CPXM2: variants seen among roughly 807,000 people sequenced by gnomAD.
The protein encoded by CPXM2 is carboxypeptidase X, M14 family member 2.
CPXM2 carries 66 observed loss-of-function variants against 86.1 expected under a neutral mutation model. That is an observed-to-expected ratio of 0.77 (90% CI 0.63 to 0.94). The LOEUF is 0.94. CPXM2 is among the 40% of genes least tolerant of loss of function. The probability of loss-of-function intolerance (pLI) is 0.00; values close to 1 mark genes in which losing one functional copy is unlikely to be tolerated. For synonymous variants in CPXM2, 388 were observed against 400.2 expected (o/e 0.97, Z 0.36); for missense variants, 948 against 1,026.3 (o/e 0.92, Z 1.04).
chr10:123,905,968 G>A (rs1945435363), intron 2 of CPXM2, among the ~76,000 whole-genome samples: 1 of 152,136 alleles, frequency 6.6e-6, no homozygotes, highest in Non-Finnish European at 1.5e-5. Context: ...AACAGGCCAA[G>A]CCCCACCTCC....
At chr10:123,900,864 A>G (rs1305928321) in intron 2 of CPXM2, among the ~76,000 whole-genome samples, 1 of 152,224 alleles carries the variant, frequency 6.6e-6, no homozygotes, top group Non-Finnish European at 1.5e-5. Context: ...AAAAAGTAAG[A>G]CTTGGCAAAA....
intron 4 of CPXM2, among the ~76,000 whole-genome samples, chr10:123,801,601 A>G (rs1210699518): frequency 6.6e-6 from 1 of 152,100 alleles, no homozygotes; most frequent in Non-Finnish European, 1.5e-5. Flanking sequence ...TCTTGCAGGC[A>G]AGAGCTTACT....
chr10:123,868,557 C>T (rs561919742), intron 2 of CPXM2, among the ~76,000 whole-genome samples: 1 of 152,260 alleles, frequency 6.6e-6, no homozygotes, highest in African/African-American at 2.4e-5. Context: ...TTTGCAGCAG[C>T]AACCTGTGCA....
At chr10:123,852,532 T>C (rs1848624437) in intron 3 of CPXM2, among the ~76,000 whole-genome samples, 1 of 152,212 alleles carries the variant, frequency 6.6e-6, no homozygotes, top group Admixed American at 6.5e-5. Context: ...ACACAGTGAC[T>C]AGGTTGATCC....
Position 123,755,000 on chromosome 10 carries a change from C to A in CPXM2, c.1918-238G>T, listed in dbSNP as rs1846171803. 6.6e-6 allele frequency among the ~76,000 whole-genome samples: 1 copy of A among 152,234 alleles called. No individual in the cohort carries two copies. Among genetic ancestry groups the A allele is most frequent in the Non-Finnish European group, 1.5e-5 (1 of 68,056 alleles). On this transcript the variant is annotated intron_variant, in intron 12 of 13. Coordinates refer to ENST00000241305, the MANE Select transcript of CPXM2 (RefSeq NM_198148.3). The surrounding 1 kb of genome is among the most constrained non-coding windows in gnomAD (Gnocchi z 4.0). The stretch of plus-strand genomic sequence containing the variant: ...AAAGTGAACTTATTTCTGAAGCTAG[C>A]ATTAGGGAAGCATCCTGCTTTAAAA...
intron 6 of CPXM2, among the ~76,000 whole-genome samples, chr10:123,786,393 G>C (rs1316689981): frequency 6.6e-6 from 1 of 152,156 alleles, no homozygotes; most frequent in Non-Finnish European, 1.5e-5. Flanking sequence ...GAGAGACAGA[G>C]GCCCTGCTTC....
intron 2 of CPXM2, among the ~76,000 whole-genome samples, chr10:123,905,867 C>A (rs926311115): frequency 4.6e-5 from 7 of 152,156 alleles, no homozygotes; most frequent in African/African-American, 1.7e-4. Context: ...GCCATCTCCC[C>A]CTCAGGAGAC....
Position 123,772,377 on chromosome 10 carries a change from C to T in CPXM2, c.979-1338G>A, listed in dbSNP as rs143806023. On this transcript the variant is annotated intron_variant, in intron 7 of 13. Coordinates refer to ENST00000241305, the MANE Select transcript of CPXM2 (RefSeq NM_198148.3). ...ACCTCCCTGGGTGTGGTTATCACCT[C>T]CCTGGTTGTGATCATCACCTGCCTT... Among the ~76,000 whole-genome samples, 197 of 152,198 alleles carry T rather than the reference C, an allele frequency of 1.3e-3. 3 individuals carry two copies. The highest frequency in any genetic ancestry group is 4.5e-3 in the African/African-American group (185 of 41,506).
At chr10:123,752,964 G>A (rs368162468) in intron 13 of CPXM2, among the ~76,000 whole-genome samples, 1 of 152,282 alleles carries the variant, frequency 6.6e-6, no homozygotes, top group East Asian at 1.9e-4. Context: ...CTTACGTGGT[G>A]TGTTAGAAGG....
chr10:123,759,719 C>T (rs187252846), intron 11 of CPXM2, among the ~76,000 whole-genome samples: 1 of 152,338 alleles, frequency 6.6e-6, no homozygotes, highest in East Asian at 1.9e-4. Flanking sequence ...GCAGGGAAGG[C>T]ACAGCCGCAT....
chr10:123,753,317 T>C (rs893027372), intron 13 of CPXM2, among the ~76,000 whole-genome samples: 1 of 152,180 alleles, frequency 6.6e-6, no homozygotes, highest in Non-Finnish European at 1.5e-5. Flanking sequence ...ATGACAGCCC[T>C]GTGGCACAAA....
intron 4 of CPXM2, among the ~76,000 whole-genome samples, chr10:123,820,696 C>G (rs1006762152): frequency 6.6e-6 from 1 of 152,180 alleles, no homozygotes; most frequent in African/African-American, 2.4e-5. Context: ...ATCTGTTTCC[C>G]TGCCTTTTCC....
chr10:123,780,156 C>G lies in CPXM2; in HGVS notation c.978+11G>C, dbSNP rs767403907. ...AATTCCTGGCATGAGGCTTTGTGATCTGGGTCTTACCTGGCGCATTTCCTT... is the reference window on the plus strand; with the variant it reads ...AATTCCTGGCATGAGGCTTTGTGATGTGGGTCTTACCTGGCGCATTTCCTT... On this transcript the variant is annotated intron_variant, in intron 7 of 13. Transcript: ENST00000241305. 3 of 1,556,286 alleles carry G rather than the reference C, an allele frequency of 1.9e-6. No homozygotes were observed. The Admixed American group carries it at 5.0e-5, about 26-fold the overall frequency.
intron 6 of CPXM2, among the ~76,000 whole-genome samples, chr10:123,780,669 C>T (rs1237279924): frequency 6.6e-6 from 1 of 152,222 alleles, no homozygotes; most frequent in Non-Finnish European, 1.5e-5. Flanking sequence ...ATCGTGACTA[C>T]ACACACATAC....
chr10:123,937,438 T>C (rs1211009012), intron 2 of CPXM2, among the ~76,000 whole-genome samples: 1 of 141,220 alleles, frequency 7.1e-6, no homozygotes, highest in East Asian at 2.1e-4. Context: ...ATCCCCAGCT[T>C]TCAGTCTGTT....
intron 2 of CPXM2, among the ~76,000 whole-genome samples, chr10:123,903,595 T>G (rs1945404398): frequency 6.6e-6 from 1 of 152,206 alleles, no homozygotes; most frequent in Non-Finnish European, 1.5e-5. Context: ...TGCCTTAATA[T>G]GGGTGAAGTC....
At chr10:123,832,118 AC>A (rs911600461) in intron 4 of CPXM2, among the ~76,000 whole-genome samples, 2 of 152,336 alleles carry the variant, frequency 1.3e-5, no homozygotes, top group African/African-American at 4.8e-5. Context: ...TATTAACATT[AC>A]ATATTAGAAT....
chr10:123,901,474 T>TGTGTGTGTGTGTGTGTGTG (rs1564818122), intron 2 of CPXM2, among the ~76,000 whole-genome samples: 4 of 149,468 alleles, frequency 2.7e-5, no homozygotes, highest in Non-Finnish European at 4.5e-5. Flanking sequence ...TGTGTGTGTG[T>TGTGTGTGTGTGTGTGTGTG]TTTCCCCTAT....
At chr10:123,867,817 G>A (rs889154295) in intron 2 of CPXM2, among the ~76,000 whole-genome samples, 2 of 152,328 alleles carry the variant, frequency 1.3e-5, no homozygotes, top group African/African-American at 4.8e-5. Flanking sequence ...ACAGGCATGA[G>A]CCACTGCGCC....
Sources: gnomAD v4.1 joint callset for allele counts (sites outside exome capture counted in the v4.1 genomes callset) on GRCh38, gnomAD v4.1.1 for gene constraint, Gnocchi (gnomAD v3.1) non-coding constraint, MANE v1.5 for transcripts, NCBI Gene and HGNC (gene_info 2026-07-23, HGNC 2026-07-21) for gene names.